The following MAP7D2 variants were observed in gnomAD, a reference collection of about 807,000 sequenced individuals.
MAP7D2 encodes MAP7 domain containing 2.
A neutral mutation model predicts 63.5 loss-of-function variants in MAP7D2; 33 were observed. The observed-to-expected ratio is 0.52, with a 90% confidence interval of 0.39 to 0.70. MAP7D2 has a LOEUF of 0.70. Among genes scored for constraint, MAP7D2 ranks in the 30% least tolerant of loss-of-function variants. The probability of loss-of-function intolerance (pLI) is 0.00; values close to 1 mark genes in which losing one functional copy is unlikely to be tolerated. For missense variants in MAP7D2, 626 were observed against 604.0 expected (o/e 1.04, Z -0.38); for synonymous variants, 224 against 223.7 (o/e 1.00, Z -0.01).
intron 1 of MAP7D2, among the ~76,000 whole-genome samples, chrX:20,082,659 C>T (rs995232178): frequency 2.7e-5 from 3 of 111,989 alleles, no homozygotes; most frequent in Non-Finnish European, 3.8e-5. Context: ...GACGGAGTCT[C>T]GCACTGTTGT....
rs986275401 is a variant in MAP7D2, at chrX:20,093,096, G to A, written c.130+23654C>T. On this transcript the variant is annotated intron_variant, in intron 1 of 16. Coordinates refer to ENST00000379643, the MANE Select transcript of MAP7D2 (RefSeq NM_001168465.2). ...CAGCCTCCCAGCCAGTGAAAAGAAG[G>A]CTGGCCTCATAGTGACAGAATGAAG... 1.9e-4 allele frequency among the ~76,000 whole-genome samples: 21 copies of A among 111,746 alleles called. No individual in the cohort carries two copies. The Admixed American group carries it at 1.9e-3, about 10-fold the overall frequency.
intron 8 of MAP7D2, 38 bp downstream of exon 8, chrX:20,042,464 G>A: frequency 8.3e-7 from 1 of 1,203,603 alleles, no homozygotes; most frequent in Non-Finnish European, 1.1e-6. Context: ...ACTGACTCAT[G>A]ACAGTCAGAC....
intron 1 of MAP7D2, among the ~76,000 whole-genome samples, chrX:20,087,220 C>A (rs998015747): frequency 1.8e-5 from 2 of 112,240 alleles, no homozygotes; most frequent in Non-Finnish European, 3.8e-5. Flanking sequence ...GGATAACTGA[C>A]GTTGACATTT....
chrX:20,057,669 C>T (rs2065100060), intron 3 of MAP7D2, among the ~76,000 whole-genome samples: 2 of 111,985 alleles, frequency 1.8e-5, no homozygotes, highest in South Asian at 3.7e-4. Flanking sequence ...CTGGAGAAGG[C>T]CTGAGCTAGC....
chrX:20,036,701 C>T (rs1444810394), intron 8 of MAP7D2, among the ~76,000 whole-genome samples: 1 of 104,456 alleles, frequency 9.6e-6, no homozygotes, highest in African/African-American at 3.5e-5. Context: ...GTCAGGAATT[C>T]GAGACCAGCC....
At position 20,052,928 on chromosome X, in the gene MAP7D2, T is replaced by C. The variant is rs34519770; in HGVS notation, c.545A>G (p.Asn182Ser). ...SLPKPTEPPM[N>S]KRLSSSTVAI... is the part of the protein sequence containing the mutation. ...CACGGTGGATGAAGACAGGCGTTTA[T>C]TCATGGGAGGCTCCGTTGGCTTTGG... is the stretch of plus-strand genomic sequence containing the variant. The change falls in exon 5 of 17, where the codon AAT becomes AGT. Residue 182 changes from asparagine to serine, a missense_variant. Asn to Ser is a conservative substitution (Grantham distance 46, BLOSUM62 1). Transcript: ENST00000379643. The C allele has an allele frequency of 0.27, 328,107 of 1,209,015 alleles. 39,467 individuals carry two copies. The highest frequency in any genetic ancestry group is 0.85 in the African/African-American group (48,516 of 57,092).
At chrX:20,116,477 T>G in intron 1 of MAP7D2, 1 of 713,208 alleles carries the variant, frequency 1.4e-6, no homozygotes, top group Non-Finnish European at 1.7e-6. Flanking sequence ...GGCACCTCCA[T>G]CCCAAACACA....
intron 1 of MAP7D2, among the ~76,000 whole-genome samples, chrX:20,081,941 C>T (rs774672160): frequency 3.9e-4 from 44 of 111,891 alleles, no homozygotes; most frequent in African/African-American, 1.3e-3. Flanking sequence ...TAACCCACCG[C>T]GCCCGGCCCA....
rs773667360 is a variant in MAP7D2, at chrX:20,016,241, C to T, written c.1497G>A (p.Arg499=). Reference sequence around the variant, plus strand: ...TTTTCTTTTCCTCTTCCTGCCGCTTCCTTTCTTCTTCCTGCTTTCGGGCTT... The same window carrying T: ...TTTTCTTTTCCTCTTCCTGCCGCTTTCTTTCTTCTTCCTGCTTTCGGGCTT... ...EEEARKQEEE[R]KRQEEEKKKQ... Residue 499 remains arginine (R), a synonymous_variant, in exon 11 of 17, where the codon AGG becomes AGA. Coordinates refer to ENST00000379643, the MANE Select transcript of MAP7D2 (RefSeq NM_001168465.2). The T allele has an allele frequency of 2.5e-6, 3 of 1,208,032 alleles. No individual in the cohort carries two copies. The highest frequency in any genetic ancestry group is 3.0e-5 in the East Asian group (1 of 33,712).
At chrX:20,013,876 A>G (rs1007005115) in intron 12 of MAP7D2, among the ~76,000 whole-genome samples, 3 of 112,216 alleles carry the variant, frequency 2.7e-5, no homozygotes, top group Non-Finnish European at 3.8e-5. Context: ...TTTATATCCC[A>G]TATTTCTCCT....
intron 8 of MAP7D2, among the ~76,000 whole-genome samples, chrX:20,032,659 T>C (rs1294272791): frequency 5.3e-5 from 6 of 112,336 alleles, no homozygotes; most frequent in African/African-American, 1.9e-4. Flanking sequence ...AGCTATGATC[T>C]ACCTCTGGAA....
chrX:20,110,487 C>A lies in MAP7D2; in HGVS notation c.130+6263G>T, dbSNP rs780834618. On this transcript the variant is annotated intron_variant, in intron 1 of 16. Coordinates refer to ENST00000379643, the MANE Select transcript of MAP7D2 (RefSeq NM_001168465.2). ...TGGGTGACAGAGCAAGACTCTGTCT[C>A]AAAAAAACCAAAACAAAAACAAAAA... Among the ~76,000 whole-genome samples, 9 of 107,746 alleles carry A rather than the reference C, an allele frequency of 8.4e-5. No homozygotes were observed. In the South Asian group the frequency reaches 3.7e-3, roughly 45 times the overall value. 93.6% of individuals were successfully genotyped at this position (107,746 alleles called of 115,157 possible). A position where few individuals can be genotyped will look rare whatever the true frequency, so the allele number is the denominator to read the frequency against.
intron 8 of MAP7D2, among the ~76,000 whole-genome samples, chrX:20,034,366 G>A (rs1381267022): frequency 9.1e-6 from 1 of 110,234 alleles, no homozygotes; most frequent in Non-Finnish European, 1.9e-5. Flanking sequence ...CAAAGTCCTT[G>A]AGCAGGTTTG....
intron 6 of MAP7D2, among the ~76,000 whole-genome samples, chrX:20,046,884 T>C (rs2064812050): frequency 8.9e-6 from 1 of 112,558 alleles, no homozygotes; most frequent in African/African-American, 3.2e-5. Context: ...ATCCAACACC[T>C]GGGGTAAAAA....
chrX:20,010,812 G>A lies in MAP7D2; in HGVS notation c.2313C>T (p.Thr771=), dbSNP rs1236527633. ...NSPGQETPLN[T]FC ...AGGGATGCTGTATTTGTCAACAGAA[G>A]GTGTTGAGAGGAGTTTCTTGGCCAG... Residue 771 remains threonine, a synonymous_variant, in exon 16 of 17, where the codon ACC becomes ACT. Coordinates refer to ENST00000379643, the MANE Select transcript of MAP7D2 (RefSeq NM_001168465.2). The A allele has an allele frequency of 3.3e-6, 4 of 1,204,747 alleles. No homozygotes were observed. Among genetic ancestry groups the A allele is most frequent in the Non-Finnish European group, 4.5e-6 (4 of 892,462 alleles).
intron 3 of MAP7D2, among the ~76,000 whole-genome samples, chrX:20,063,021 CTCTGAG>C (rs925955846): frequency 2.7e-5 from 3 of 110,141 alleles, no homozygotes; most frequent in African/African-American, 9.9e-5. Flanking sequence ...CCACAATCTC[CTCTGAG>C]TCTTTTTTTT....
chrX:20,075,425 T>C (rs1255194566), intron 1 of MAP7D2, among the ~76,000 whole-genome samples: 2 of 105,859 alleles, frequency 1.9e-5, no homozygotes, highest in African/African-American at 3.5e-5. Context: ...GGGAAAAATA[T>C]GCTGCATGGG....
At chrX:20,033,628 A>C (rs1352220935) in intron 8 of MAP7D2, among the ~76,000 whole-genome samples, 1 of 112,515 alleles carries the variant, frequency 8.9e-6, no homozygotes, top group African/African-American at 3.2e-5. Flanking sequence ...AGGCAGGAGA[A>C]CAATGCACTG....
chrX:20,116,809 G>A lies in MAP7D2; in HGVS notation c.71C>T (p.Pro24Leu). The A allele has an allele frequency of 2.5e-6, 3 of 1,190,199 alleles. No homozygotes were observed. The East Asian group carries it at 9.5e-5, about 38-fold the overall frequency. The change falls in exon 1 of 17, where the codon CCA (proline) becomes CTA (leucine). Residue 24 changes from proline to leucine, a missense_variant. Pro to Leu is a moderately conservative substitution (Grantham distance 98). Transcript: ENST00000379643. ...PEGTARGTSLPGKIAEPGAVR... is the reference protein window; with the variant it reads ...PEGTARGTSLLGKIAEPGAVR... ...CGCGCCCGGTTCTGCGATCTTCCCT[G>A]GGAGAGAGGTTCCCCGCGCAGTCCC...
Sources: gnomAD v4.1 joint callset for allele counts (sites outside exome capture counted in the v4.1 genomes callset) on GRCh38, gnomAD v4.1.1 for gene constraint, MANE v1.5 for transcripts, NCBI Gene and HGNC (gene_info 2026-07-23, HGNC 2026-07-21) for gene names.